DMD: variants seen among roughly 807,000 people sequenced by gnomAD.
DMD encodes mutant dystrophin.
A neutral mutation model predicts 330.1 loss-of-function variants in DMD; 63 were observed. The ratio of observed to expected loss-of-function variants is 0.19; its 90% CI spans 0.16 to 0.24. The LOEUF is 0.24. Ranked by LOEUF, DMD falls within the 10% of genes least tolerant of loss-of-function variation. The pLI, the probability that DMD is intolerant of heterozygous loss-of-function variation, is 1.00. For synonymous variants in DMD, 1,223 were observed against 959.8 expected (o/e 1.27, Z -5.07); for missense variants, 3,344 against 2,684.1 (o/e 1.25, Z -5.43).
intron 1 of DMD, among the ~76,000 whole-genome samples, chrX:33,191,272 G>C (rs951143788): frequency 9.4e-6 from 1 of 106,948 alleles, no homozygotes; most frequent in African/African-American, 3.4e-5. Context: ...TGGTGTGCCT[G>C]TATGTTCTGA....
intron 2 of DMD, among the ~76,000 whole-genome samples, chrX:32,931,337 G>C (rs2089575117): frequency 9.0e-6 from 1 of 111,334 alleles, no homozygotes; most frequent in Non-Finnish European, 1.9e-5. Context: ...AATTGCTAGG[G>C]GGAGAGTGCG....
chrX:31,910,473 G>A (rs1767368330), intron 47 of DMD, among the ~76,000 whole-genome samples: 2 of 112,191 alleles, frequency 1.8e-5, no homozygotes, highest in African/African-American at 6.5e-5. Context: ...CCAAGGAGTG[G>A]GGAGGACTTC....
chrX:31,433,479 C>T (rs1228923235), intron 60 of DMD, among the ~76,000 whole-genome samples: 4 of 101,327 alleles, frequency 3.9e-5, no homozygotes, highest in Non-Finnish European at 7.9e-5. Context: ...TTTTTTGAGA[C>T]AGAGTCTTGC....
At chrX:32,887,216 A>G (rs2084679080) in intron 2 of DMD, among the ~76,000 whole-genome samples, 1 of 109,280 alleles carries the variant, frequency 9.2e-6, no homozygotes, top group Non-Finnish European at 1.9e-5. Flanking sequence ...GCGTGCTGAC[A>G]GGAGCCTGTA....
At chrX:32,878,717 C>T (rs988004162) in intron 2 of DMD, among the ~76,000 whole-genome samples, 3 of 110,382 alleles carry the variant, frequency 2.7e-5, no homozygotes, top group Admixed American at 9.7e-5. Context: ...CAGGATAAAT[C>T]GTAATATTGG....
At chrX:31,887,535 A>G (rs138664189) in intron 47 of DMD, among the ~76,000 whole-genome samples, 3,426 of 111,787 alleles carry the variant, frequency 0.031, 129 homozygotes, top group African/African-American at 0.11. Flanking sequence ...TTTTCCCTCA[A>G]TAAAATATCT....
chrX:32,505,450 A>G (rs1299824254), intron 18 of DMD, among the ~76,000 whole-genome samples: 3 of 112,344 alleles, frequency 2.7e-5, no homozygotes, highest in East Asian at 2.8e-4. Context: ...ATTACAAATT[A>G]AACAATGAGA....
intron 2 of DMD, among the ~76,000 whole-genome samples, chrX:33,018,986 A>C (rs1240677628): frequency 8.9e-6 from 1 of 112,245 alleles, no homozygotes; most frequent in Non-Finnish European, 1.9e-5. Flanking sequence ...AAGTAAATAA[A>C]ATGAACTTTT....
At chrX:31,335,162 C>T (rs143203612) in intron 61 of DMD, among the ~76,000 whole-genome samples, 1,259 of 112,318 alleles carry the variant, frequency 0.011, 20 homozygotes, top group African/African-American at 0.038. Flanking sequence ...TATTTACTGC[C>T]GTTTCCCCAG....
chrX:33,299,993 A>C (rs1387202756), intron 1 of DMD, among the ~76,000 whole-genome samples: 4 of 111,839 alleles, frequency 3.6e-5, no homozygotes, highest in African/African-American at 1.3e-4. Context: ...CAGAAGAGAC[A>C]ATGAATACTA....
chrX:32,933,043 C>T (rs1164986860), intron 2 of DMD, among the ~76,000 whole-genome samples: 1 of 111,591 alleles, frequency 9.0e-6, no homozygotes, highest in African/African-American at 3.3e-5. Context: ...TAAGGCACTA[C>T]CTATTTCCCT....
At chrX:33,008,796 A>G (rs1471966992) in intron 2 of DMD, among the ~76,000 whole-genome samples, 1 of 66,692 alleles carries the variant, frequency 1.5e-5, no homozygotes, top group East Asian at 6.5e-4. Context: ...ATATATACGT[A>G]TATATACGTA....
At chrX:32,913,132 G>T (rs1476680639) in intron 2 of DMD, among the ~76,000 whole-genome samples, 1 of 111,553 alleles carries the variant, frequency 9.0e-6, no homozygotes, top group Non-Finnish European at 1.9e-5. Flanking sequence ...GAGGAGATGG[G>T]ATAGCTTATT....
At chrX:31,961,339 G>A (rs1037303934) in intron 45 of DMD, among the ~76,000 whole-genome samples, 2 of 111,706 alleles carry the variant, frequency 1.8e-5, no homozygotes, top group Admixed American at 1.9e-4. Flanking sequence ...ATATAATAAT[G>A]TCAAGTGTAA....
chrX:31,853,983 T>G (rs1018429056), intron 48 of DMD, among the ~76,000 whole-genome samples: 2 of 111,841 alleles, frequency 1.8e-5, no homozygotes, highest in African/African-American at 6.5e-5. Context: ...GGACAGGTGC[T>G]GCAAAGTGAA....
At position 33,131,691 on chromosome X, in the gene DMD, C is replaced by A. The variant is rs187214640; in HGVS notation, c.31+79591G>T. Among the ~76,000 whole-genome samples the A allele has an allele frequency of 1.2e-4, 13 of 111,870 alleles. No homozygotes were observed. In the South Asian group the frequency reaches 2.6e-3, roughly 22 times the overall value. On this transcript the variant is annotated intron_variant, in intron 1 of 78. Coordinates refer to ENST00000357033, the MANE Select transcript of DMD (RefSeq NM_004006.3). ...TGCATATCCTCAGGGTTCATCGGTA[C>A]GATAAGATATCCTCCAAGCTAAAAA...
At chrX:32,058,910 G>T (rs967797738) in intron 44 of DMD, among the ~76,000 whole-genome samples, 1 of 111,364 alleles carries the variant, frequency 9.0e-6, no homozygotes, top group South Asian at 3.7e-4. Flanking sequence ...ATATCATTCT[G>T]CCACAAAAAG....
chrX:32,847,712 G>A lies in DMD; in HGVS notation c.186+2016C>T, dbSNP rs770292383. Among the ~76,000 whole-genome samples the A allele has an allele frequency of 3.6e-5, 4 of 112,063 alleles. No homozygotes were observed. In the East Asian group the frequency reaches 8.5e-4, roughly 24 times the overall value. ...AATTATGTAATCTACACTGCCATGT[G>A]TAAATGTTTGGTGATTTTTCCCTAC... On this transcript the variant is annotated intron_variant, in intron 3 of 78. Transcript: ENST00000357033.
intron 55 of DMD, among the ~76,000 whole-genome samples, chrX:31,607,115 C>G (rs914507805): frequency 9.0e-6 from 1 of 111,600 alleles, no homozygotes; most frequent in Non-Finnish European, 1.9e-5. Flanking sequence ...TGATGTGGTG[C>G]GGGCAGCAGG....
Sources: allele counts gnomAD v4.1 joint callset (sites outside exome capture counted in the v4.1 genomes callset), GRCh38; gene constraint gnomAD v4.1.1; transcripts MANE v1.5; gene names NCBI Gene and HGNC (gene_info 2026-07-23, HGNC 2026-07-21).